Variants in ATP2B1 observed in about 807,000 individuals in gnomAD.
ATP2B1 encodes the protein plasma membrane calcium-transporting ATPase 1.
In ATP2B1, 14 loss-of-function variants were observed where a neutral mutation model predicts 124.2. The observed-to-expected ratio is 0.11, with a 90% CI of 0.07 to 0.18. The LOEUF (loss-of-function observed/expected upper bound fraction) is 0.18. ATP2B1 is among the 10% of genes least tolerant of loss of function. ATP2B1 has a pLI of 1.00. For synonymous variants in ATP2B1, 449 were observed against 492.4 expected, an observed-to-expected ratio of 0.91 and a Z score of 1.17; for missense variants, 763 against 1,466.1, an observed-to-expected ratio of 0.52 and a Z score of 7.83.
rs1885910532 is a variant in ATP2B1, at chr12:89,655,993, C to T, written c.-107G>A. 8.7e-7 allele frequency: 1 copy of T among 1,153,486 alleles called. No homozygotes were observed. The allele number at this position is 1,153,486 out of a possible 1,614,324, so 71.5% of individuals were successfully genotyped here. On this transcript the variant is annotated 5_prime_UTR_variant, in exon 2 of 21. The change creates a premature stop within an existing upstream ORF in the 5' untranslated region. Transcript: ENST00000428670. ...TTAAGTATGAAAATCTTTCTTAAAC[C>T]AAACACTCATTGTATGACTTTGTAA...
chr12:89,647,250 T>C (rs1884590706), intron 2 of ATP2B1, among the ~76,000 whole-genome samples: 1 of 152,198 alleles, frequency 6.6e-6, no homozygotes, highest in Admixed American at 6.5e-5. Flanking sequence ...CCCAGTTAAC[T>C]TCACAAAGAG....
chr12:89,677,201 A>G (rs1038235177), intron 1 of ATP2B1, among the ~76,000 whole-genome samples: 1 of 152,152 alleles, frequency 6.6e-6, no homozygotes, highest in Non-Finnish European at 1.5e-5. Context: ...ACCCTGTAGG[A>G]TATTAAACAC....
intron 2 of ATP2B1, among the ~76,000 whole-genome samples, chr12:89,643,589 A>G (rs1327927198): frequency 1.3e-5 from 2 of 152,200 alleles, no homozygotes; most frequent in African/African-American, 4.8e-5. Flanking sequence ...AATTAGAAAG[A>G]TATGAGGAGG....
Position 89,611,238 on chromosome 12 carries a change from T to A in ATP2B1, c.2202A>T (p.Leu734=). The change falls in exon 13 of 21, where the codon CTA becomes CTT. Residue 734 remains leucine (L), a synonymous_variant. Transcript: ENST00000428670. ...TTCTTCTGTTAAAATCTTTACCTTC[T>A]AGGCACAGAAAATCTTCCCCAGGAT... ...ILHPGEDFLC[L]EGKDFNRRIR... 1 of 1,610,828 alleles carries A rather than the reference T, an allele frequency of 6.2e-7. No homozygotes were observed. The highest frequency in any genetic ancestry group is 8.5e-7 in the Non-Finnish European group (1 of 1,178,880).
chr12:89,609,705 ATAT>A (rs1877630979), intron 15 of ATP2B1, among the ~76,000 whole-genome samples: 1 of 152,202 alleles, frequency 6.6e-6, no homozygotes, highest in South Asian at 2.1e-4. Flanking sequence ...CCAACATACA[ATAT>A]TATTAAATTG....
intron 1 of ATP2B1, among the ~76,000 whole-genome samples, chr12:89,693,756 T>C (rs1388789091): frequency 6.6e-6 from 1 of 152,208 alleles, no homozygotes; most frequent in African/African-American, 2.4e-5. Context: ...GTATTTAAAA[T>C]ATGAATAAAT....
At chr12:89,598,438 C>T (rs559884063) in intron 20 of ATP2B1, 32 of 828,470 alleles carry the variant, frequency 3.9e-5, no homozygotes, top group African/African-American at 3.2e-4. Context: ...AAAACAACAA[C>T]GACAACACTT....
Position 89,590,100 on chromosome 12 carries a change from T to C in ATP2B1, c.*884A>G, listed in dbSNP as rs971465473. The C allele has an allele frequency of 2.0e-5, 3 of 152,578 alleles. No individual in the cohort carries two copies. The highest frequency in any genetic ancestry group is 2.1e-4 in the South Asian group (1 of 4,836). The allele number at this position is 152,578 out of a possible 1,614,324, so 9.5% of individuals were successfully genotyped here. On this transcript the variant is annotated 3_prime_UTR_variant, in exon 21 of 21. Transcript: ENST00000428670. ...AGCATTTCAAGCATCTTTCATTATGTAGTTGATGTCCTGCATTAAACAATC... is the reference window on the plus strand; with the variant it reads ...AGCATTTCAAGCATCTTTCATTATGCAGTTGATGTCCTGCATTAAACAATC...
At chr12:89,677,959 T>TAC (rs1332362406) in intron 1 of ATP2B1, among the ~76,000 whole-genome samples, 3 of 27,290 alleles carry the variant, frequency 1.1e-4, no homozygotes, top group Non-Finnish European at 2.1e-4. Context: ...AGGAATTATA[T>TAC]ATATATATAT....
At chr12:89,631,348 G>A (rs1881829982) in intron 5 of ATP2B1, among the ~76,000 whole-genome samples, 1 of 152,084 alleles carries the variant, frequency 6.6e-6, no homozygotes, top group Admixed American at 6.5e-5. Flanking sequence ...TAAGGTATGA[G>A]GGACACTTCT....
At chr12:89,657,395 T>C (rs11105360) in intron 1 of ATP2B1, among the ~76,000 whole-genome samples, 9,899 of 152,298 alleles carry the variant, frequency 0.065, 438 homozygotes, top group Non-Finnish European at 0.092. Context: ...TGCCACTAAA[T>C]CTAAACCTAC....
At chr12:89,596,135 AAATAT>A (rs1019420915) in intron 20 of ATP2B1, among the ~76,000 whole-genome samples, 8 of 152,146 alleles carry the variant, frequency 5.3e-5, no homozygotes, top group African/African-American at 1.9e-4. Flanking sequence ...TCAGACTGAG[AAATAT>A]AATAAGTATA....
chr12:89,647,062 T>C (rs1884557906), intron 2 of ATP2B1, among the ~76,000 whole-genome samples: 1 of 152,228 alleles, frequency 6.6e-6, no homozygotes, highest in South Asian at 2.1e-4. Context: ...ATAGCTAAGC[T>C]GGTGGAACTG....
chr12:89,679,243 G>A (rs1189701412), intron 1 of ATP2B1, among the ~76,000 whole-genome samples: 1 of 152,070 alleles, frequency 6.6e-6, no homozygotes, highest in East Asian at 1.9e-4. Context: ...ACATCTTAAA[G>A]GCTTAAAAAT....
intron 1 of ATP2B1, among the ~76,000 whole-genome samples, chr12:89,659,583 T>C (rs1337409729): frequency 6.6e-6 from 1 of 152,200 alleles, no homozygotes. Context: ...TTCAATTCCT[T>C]CTTTCATAAG....
chr12:89,640,554 A>T (rs1883349043), intron 3 of ATP2B1, among the ~76,000 whole-genome samples: 1 of 152,230 alleles, frequency 6.6e-6, no homozygotes, highest in Non-Finnish European at 1.5e-5. Context: ...CTTTAAAGAG[A>T]AAGAATACAG....
intron 1 of ATP2B1, among the ~76,000 whole-genome samples, chr12:89,673,219 T>C (rs1419427180): frequency 6.6e-5 from 10 of 152,220 alleles, no homozygotes; most frequent in Non-Finnish European, 1.3e-4. Context: ...CCAGATACTT[T>C]TCATAGCCTT....
chr12:89,663,942 A>G (rs1371392958), intron 1 of ATP2B1, among the ~76,000 whole-genome samples: 1 of 152,200 alleles, frequency 6.6e-6, no homozygotes, highest in Non-Finnish European at 1.5e-5. Flanking sequence ...ATGGCACAGC[A>G]GCCTTTATAA....
At chr12:89,622,348 T>C (rs1880135697) in intron 9 of ATP2B1, among the ~76,000 whole-genome samples, 1 of 151,972 alleles carries the variant, frequency 6.6e-6, no homozygotes. Flanking sequence ...AAAACTAGAA[T>C]GAGTCATTTT....
Sources: gnomAD v4.1 joint callset for allele counts (sites outside exome capture counted in the v4.1 genomes callset) on GRCh38, gnomAD v4.1.1 for gene constraint, MANE v1.5 for transcripts, NCBI Gene and HGNC (gene_info 2026-07-23, HGNC 2026-07-21) for gene names.